The following THSD7A variants were observed in gnomAD, a reference collection of about 807,000 sequenced individuals.
THSD7A encodes thrombospondin type-1 domain-containing protein 7A.
THSD7A carries 96 observed loss-of-function variants against 231.3 expected under a neutral mutation model. The observed-to-expected ratio is 0.41, with a 90% CI of 0.35 to 0.49. The LOEUF (loss-of-function observed/expected upper bound fraction) is 0.49. Among genes scored for constraint, THSD7A ranks in the 20% least tolerant of loss-of-function variants. The probability of loss-of-function intolerance (pLI) is 0.05; values close to 1 mark genes in which losing one functional copy is unlikely to be tolerated. For synonymous variants in THSD7A, 940 were observed against 743.3 expected (o/e 1.26, Z -4.30); for missense variants, 2,290 against 2,070.2 (o/e 1.11, Z -2.06).
intron 6 of THSD7A, among the ~76,000 whole-genome samples, chr7:11,530,011 G>C (rs113430519): frequency 6.6e-6 from 1 of 152,234 alleles, no homozygotes; most frequent in Non-Finnish European, 1.5e-5. Flanking sequence ...AAAAGGAAAC[G>C]TAGTCACTGT....
chr7:11,466,679 C>T (rs1034379601), intron 9 of THSD7A, among the ~76,000 whole-genome samples: 28 of 152,130 alleles, frequency 1.8e-4, no homozygotes, highest in African/African-American at 6.8e-4. Context: ...AGTCAGCACT[C>T]ATTCCTTGCT....
intron 1 of THSD7A, among the ~76,000 whole-genome samples, chr7:11,750,874 C>G (rs1050510450): frequency 4.6e-5 from 7 of 151,950 alleles, no homozygotes; most frequent in African/African-American, 1.4e-4. Context: ...AAAAACAAGT[C>G]AGGGGATTAC....
intron 4 of THSD7A, among the ~76,000 whole-genome samples, chr7:11,566,538 G>C (rs1484284693): frequency 6.6e-6 from 1 of 152,122 alleles, no homozygotes; most frequent in Non-Finnish European, 1.5e-5. Context: ...AAAGTACCAT[G>C]GTACTACATG....
At chr7:11,523,950 A>G (rs921321628) in intron 6 of THSD7A, among the ~76,000 whole-genome samples, 2 of 152,122 alleles carry the variant, frequency 1.3e-5, no homozygotes, top group South Asian at 2.1e-4. Flanking sequence ...GGTATAGATT[A>G]TTATATTTGA....
chr7:11,706,630 CTTTTTTTTTTTTTTT>C (rs66964252), intron 1 of THSD7A, among the ~76,000 whole-genome samples: 2 of 66,392 alleles, frequency 3.0e-5, no homozygotes, highest in South Asian at 5.8e-4. Flanking sequence ...TAACAAGGTG[CTTTTTTTTTTTTTTT>C]TTTTTTTTTT....
chr7:11,808,175 G>C (rs1180874548), intron 1 of THSD7A, among the ~76,000 whole-genome samples: 3 of 149,790 alleles, frequency 2.0e-5, no homozygotes, highest in Non-Finnish European at 4.5e-5. Context: ...CACACACACT[G>C]CTATGGTTTG....
At chr7:11,436,722 C>G (rs1784645935) in intron 13 of THSD7A, among the ~76,000 whole-genome samples, 1 of 150,650 alleles carries the variant, frequency 6.6e-6, no homozygotes, top group Non-Finnish European at 1.5e-5. Flanking sequence ...GAAGAAAATG[C>G]AAAACCAAGC....
chr7:11,468,332 A>G (rs1243342592), intron 9 of THSD7A, among the ~76,000 whole-genome samples: 1 of 151,954 alleles, frequency 6.6e-6, no homozygotes, highest in Non-Finnish European at 1.5e-5. Context: ...TAGGTAAAAT[A>G]TTAATCTATA....
intron 1 of THSD7A, chr7:11,820,443 C>A (rs1205532271): frequency 1.5e-6 from 2 of 1,316,228 alleles, no homozygotes; most frequent in Middle Eastern, 2.5e-4. Context: ...TGCTTGATTT[C>A]CAGAACATGA....
chr7:11,413,215 C>G (rs1195385701), intron 17 of THSD7A, among the ~76,000 whole-genome samples: 3 of 151,786 alleles, frequency 2.0e-5, no homozygotes, highest in Non-Finnish European at 4.4e-5. Flanking sequence ...AGTGACTTTC[C>G]TTTTCCTGAT....
intron 1 of THSD7A, among the ~76,000 whole-genome samples, chr7:11,689,751 T>C (rs1249857989): frequency 1.3e-5 from 2 of 150,268 alleles, no homozygotes; most frequent in Non-Finnish European, 1.5e-5. Flanking sequence ...GGGGTGAATA[T>C]AGCTTTTTAT....
intron 1 of THSD7A, among the ~76,000 whole-genome samples, chr7:11,771,111 A>G (rs1384019119): frequency 2.0e-5 from 3 of 150,988 alleles, no homozygotes; most frequent in Non-Finnish European, 4.4e-5. Flanking sequence ...AACATTGACT[A>G]TTAAGAGATT....
intron 19 of THSD7A, among the ~76,000 whole-genome samples, chr7:11,409,157 C>A (rs968300863): frequency 6.6e-6 from 1 of 151,984 alleles, no homozygotes; most frequent in Non-Finnish European, 1.5e-5. Flanking sequence ...AAAGAAAAAA[C>A]CAATTACTAG....
At chr7:11,731,426 T>A (rs1260425321) in intron 1 of THSD7A, among the ~76,000 whole-genome samples, 1 of 151,650 alleles carries the variant, frequency 6.6e-6, no homozygotes, top group Non-Finnish European at 1.5e-5. Flanking sequence ...ATAATAGATA[T>A]GCTTATTTAT....
chr7:11,712,083 C>A (rs1339468461), intron 1 of THSD7A, among the ~76,000 whole-genome samples: 1 of 150,948 alleles, frequency 6.6e-6, no homozygotes, highest in Non-Finnish European at 1.5e-5. Flanking sequence ...AGAGACTATG[C>A]AAATATGAAT....
In THSD7A at chr7:11,430,271, G is replaced by A. The variant is rs116565447; in HGVS notation, c.3065-1146C>T. On this transcript the variant is annotated intron_variant, in intron 13 of 27. Transcript: ENST00000423059. ...TGTTTTGGTTTTCAGTATGTTTGCT[G>A]CGTTGTGCAACCATCATCACCATCT... is the stretch of plus-strand genomic sequence containing the variant. Among the ~76,000 whole-genome samples the A allele has an allele frequency of 3.0e-3, 451 of 152,160 alleles. 1 individual carries two copies. Among genetic ancestry groups the A allele is most frequent in the African/African-American group, 0.01 (434 of 41,526 alleles).
intron 1 of THSD7A, among the ~76,000 whole-genome samples, chr7:11,729,752 G>A (rs1294606045): frequency 1.3e-5 from 2 of 151,594 alleles, no homozygotes; most frequent in Non-Finnish European, 3.0e-5. Flanking sequence ...CAGGTGATAC[G>A]GAAATACTGG....
chr7:11,821,563 C>A (rs191753545), intron 1 of THSD7A, among the ~76,000 whole-genome samples: 163 of 152,072 alleles, frequency 1.1e-3, no homozygotes, highest in African/African-American at 3.8e-3. Context: ...AGATAATTTG[C>A]TTGATTTCTG....
intron 6 of THSD7A, among the ~76,000 whole-genome samples, chr7:11,507,569 A>C (rs6973175): frequency 0.33 from 49,240 of 150,278 alleles, 8,556 homozygotes; most frequent in African/African-American, 0.44. Context: ...ATTGCTCTAC[A>C]AGTTCACTGA....
Sources: allele counts gnomAD v4.1 joint callset (sites outside exome capture counted in the v4.1 genomes callset), GRCh38; gene constraint gnomAD v4.1.1; transcripts MANE v1.5; gene names NCBI Gene and HGNC (gene_info 2026-07-23, HGNC 2026-07-21).